Variants in CD70 observed in about 807,000 individuals in gnomAD.
CD70 encodes CD70 molecule.
CD70 carries 6 observed loss-of-function variants against 9.0 expected under a neutral mutation model. The observed-to-expected ratio is 0.67, with a 90% confidence interval of 0.37 to 1.32. CD70 has a LOEUF of 1.32. Ranked by LOEUF, CD70 falls within the 40% of genes most tolerant of loss-of-function variation. The pLI, the probability that CD70 is intolerant of heterozygous loss-of-function variation, is 0.02. For synonymous variants in CD70, 108 were observed against 112.3 expected, an observed-to-expected ratio of 0.96 and a Z score of 0.24; for missense variants, 235 against 258.7, an observed-to-expected ratio of 0.91 and a Z score of 0.63.
intron 2 of CD70, among the ~76,000 whole-genome samples, chr19:6,589,173 G>T (rs1260400979): frequency 2.1e-5 from 3 of 144,768 alleles, no homozygotes; most frequent in African/African-American, 7.8e-5. Flanking sequence ...CCCCCGCCCT[G>T]TTTTTCTTCT....
downstream of CD70, among the ~76,000 whole-genome samples, chr19:6,583,721 G>A (rs905427480): frequency 6.6e-6 from 1 of 150,944 alleles, no homozygotes; most frequent in African/African-American, 2.4e-5. Context: ...ACCACACCCA[G>A]CTAATTTTTA....
intron 2 of CD70, among the ~76,000 whole-genome samples, chr19:6,588,250 G>C (rs1210807811): frequency 6.6e-6 from 1 of 152,192 alleles, no homozygotes; most frequent in East Asian, 1.9e-4. Flanking sequence ...TCCACCAGAA[G>C]AAAGAGCTGT....
At chr19:6,581,981 C>T (rs200682081), downstream of CD70, among the ~76,000 whole-genome samples, 4 of 146,156 alleles carry the variant, frequency 2.7e-5, no homozygotes, top group African/African-American at 7.4e-5. Context: ...ACTGGACAAA[C>T]GAAGGGGCTG....
chr19:6,591,091 C>T lies in CD70; in HGVS notation c.-89G>A, dbSNP rs1916149758. 1.5e-6 allele frequency: 2 copies of T among 1,366,004 alleles called. No homozygotes were observed. The highest frequency in any genetic ancestry group is 1.9e-6 in the Non-Finnish European group (2 of 1,025,662). The allele number at this position is 1,366,004 out of a possible 1,614,324, so 84.6% of individuals were successfully genotyped here. ...GGAAGGAAGGAAACTGCAGCCCCCT[C>T]CCGGGGCTCCTGGGCGTCTACTTGC... On this transcript the variant is annotated 5_prime_UTR_variant, in exon 1 of 3. Coordinates refer to ENST00000245903, the MANE Select transcript of CD70 (RefSeq NM_001252.5).
chr19:6,585,801 A>C, downstream of CD70: 1 of 483,836 alleles, frequency 2.1e-6, no homozygotes, highest in Non-Finnish European at 3.7e-6. Flanking sequence ...CAGTCGGCCG[A>C]GTAGCTGGGA....
At position 6,591,031 on chromosome 19, in the gene CD70, G is replaced by A; in HGVS notation, c.-29C>T. ...CGCGGCGATCACCTCCGCTAGCGCAGGAGGGGCGATGGGGGCGCGGAGCGC... is the reference window on the plus strand; with the variant it reads ...CGCGGCGATCACCTCCGCTAGCGCAAGAGGGGCGATGGGGGCGCGGAGCGC... On this transcript the variant is annotated 5_prime_UTR_variant, in exon 1 of 3. Transcript: ENST00000245903. 1.3e-6 allele frequency: 2 copies of A among 1,569,210 alleles called. No homozygotes were observed. Among genetic ancestry groups the A allele is most frequent in the South Asian group, 2.3e-5 (2 of 86,232 alleles).
chr19:6,589,009 C>T (rs541656301), intron 2 of CD70, among the ~76,000 whole-genome samples: 3 of 152,268 alleles, frequency 2.0e-5, no homozygotes, highest in African/African-American at 7.2e-5. Flanking sequence ...CCCTTTGATT[C>T]TTCCAAGGGA....
intron 2 of CD70, among the ~76,000 whole-genome samples, chr19:6,589,719 T>C (rs1438957470): frequency 6.6e-6 from 1 of 151,572 alleles, no homozygotes; most frequent in Non-Finnish European, 1.5e-5. Context: ...TCTCTTCCTC[T>C]ATCTGTCTTT....
chr19:6,583,757 C>T (rs1438948141), downstream of CD70, among the ~76,000 whole-genome samples: 2 of 149,496 alleles, frequency 1.3e-5, no homozygotes, highest in South Asian at 2.1e-4. Flanking sequence ...TGAGGTTTCA[C>T]CATGTTAGCC....
downstream of CD70, among the ~76,000 whole-genome samples, chr19:6,584,458 A>G (rs1915977377): frequency 6.6e-6 from 1 of 151,818 alleles, no homozygotes; most frequent in Non-Finnish European, 1.5e-5. Flanking sequence ...GTGAGCTGAG[A>G]TTATGCCACT....
chr19:6,587,171 TGAGA>T (rs200436238), intron 2 of CD70, among the ~76,000 whole-genome samples: 8 of 125,438 alleles, frequency 6.4e-5, no homozygotes, highest in South Asian at 2.6e-4. Flanking sequence ...AGAGACAGCA[TGAGA>T]GAGAGAGAGA....
chr19:6,583,344 AATG>A (rs1013796244), downstream of CD70: 1 of 701,450 alleles, frequency 1.4e-6, no homozygotes, highest in Non-Finnish European at 2.6e-6. Flanking sequence ...AAATGGGAAC[AATG>A]ATGATTCCTC....
At chr19:6,584,570 T>A (rs1167132067), downstream of CD70, among the ~76,000 whole-genome samples, 2 of 18,618 alleles carry the variant, frequency 1.1e-4, no homozygotes, top group Non-Finnish European at 1.0e-4. Flanking sequence ...AGTTCCAAAA[T>A]GTATTTGAGG....
chr19:6,586,889 G>GGA (rs1916028513), intron 2 of CD70, among the ~76,000 whole-genome samples: 1 of 116,582 alleles, frequency 8.6e-6, no homozygotes, highest in African/African-American at 3.2e-5. Flanking sequence ...AGAGACACCA[G>GGA]GAGAGAGAGA....
chr19:6,583,576 T>C, downstream of CD70: 1 of 479,086 alleles, frequency 2.1e-6, no homozygotes, highest in Non-Finnish European at 3.7e-6. Flanking sequence ...TTTTTTTTTT[T>C]TAAAGACAGT....
At chr19:6,589,968 T>A in intron 2 of CD70, 135 bp downstream of exon 2, 13 of 526,400 alleles carry the variant, frequency 2.5e-5, no homozygotes, top group Middle Eastern at 3.1e-4. Context: ...TCCCTCCCTA[T>A]CTCTCCCTCC....
chr19:6,582,161 G>C (rs568531467), downstream of CD70, among the ~76,000 whole-genome samples: 59 of 151,476 alleles, frequency 3.9e-4, no homozygotes, highest in Admixed American at 1.6e-3. Flanking sequence ...TCCAAGTCGC[G>C]GGGACTACAG....
chr19:6,589,492 C>T (rs972970141), intron 2 of CD70, among the ~76,000 whole-genome samples: 12 of 151,874 alleles, frequency 7.9e-5, no homozygotes, highest in Non-Finnish European at 1.6e-4. Flanking sequence ...CAGGTTCAGG[C>T]GATTCTCCTG....
In CD70 at chr19:6,586,369, C is replaced by G. The variant is rs777879588; in HGVS notation, c.233G>C (p.Gly78Ala). The G allele has an allele frequency of 6.8e-6, 11 of 1,611,960 alleles. No individual in the cohort carries two copies. The Admixed American group carries it at 1.8e-4, about 27-fold the overall frequency. ...QQDPRLYWQG[G>A]PALGRSFLHG... is the part of the protein sequence containing the mutation. ...CAGGAAGGAGCGGCCCAGTGCTGGGCCCCCCTGCCAGTATAGCCTGGGGTC... is the reference window on the plus strand; with the variant it reads ...CAGGAAGGAGCGGCCCAGTGCTGGGGCCCCCTGCCAGTATAGCCTGGGGTC... The change falls in exon 3 of 3, where the codon GGC (glycine) becomes GCC (alanine). Residue 78 changes from glycine to alanine, a missense_variant. Gly to Ala is a moderately conservative substitution (Grantham distance 60). Coordinates refer to ENST00000245903, the MANE Select transcript of CD70 (RefSeq NM_001252.5).
Sources: allele counts gnomAD v4.1 joint callset (sites outside exome capture counted in the v4.1 genomes callset), GRCh38; gene constraint gnomAD v4.1.1; transcripts MANE v1.5; gene names NCBI Gene and HGNC (gene_info 2026-07-23, HGNC 2026-07-21).